PPP2R2B: variants seen among roughly 807,000 people sequenced by gnomAD.
PPP2R2B encodes the protein serine/threonine-protein phosphatase 2A 55 kDa regulatory subunit B beta isoform.
In PPP2R2B, 5 loss-of-function variants were observed where a neutral mutation model predicts 46.0. The ratio of observed to expected loss-of-function variants is 0.11; its 90% confidence interval spans 0.06 to 0.23. The LOEUF (loss-of-function observed/expected upper bound fraction) is 0.23, where lower values mean the gene tolerates loss of function less well. Among genes scored for constraint, PPP2R2B ranks in the 10% least tolerant of loss-of-function variants. PPP2R2B has a pLI of 1.00. For synonymous variants in PPP2R2B, 215 were observed against 206.7 expected (o/e 1.04, Z -0.34); for missense variants, 367 against 575.0 (o/e 0.64, Z 3.70).
intron 1 of PPP2R2B, among the ~76,000 whole-genome samples, chr5:146,968,745 T>A (rs2151846828): frequency 6.6e-6 from 1 of 152,336 alleles, no homozygotes; most frequent in South Asian, 2.1e-4. Flanking sequence ...CATTTGCCAA[T>A]CTTCATGTGC....
rs1231970952 is a variant in PPP2R2B, at chr5:146,844,376, A to AT, written c.70+33625_70+33626insA. 1.6e-4 allele frequency among the ~76,000 whole-genome samples: 23 copies of AT among 141,446 alleles called. No individual in the cohort carries two copies. The East Asian group carries it at 3.6e-3, about 22-fold the overall frequency. 92.8% of individuals were successfully genotyped at this position (141,446 alleles called of 152,430 possible). A position where few individuals can be genotyped will look rare whatever the true frequency, so the allele number is the denominator to read the frequency against. Reference sequence around the variant, plus strand: ...AATAAAAAAAAAAAAACATTAAAAAAAAATATATACTGAAACATCCAAAAT... The same window carrying AT: ...AATAAAAAAAAAAAAACATTAAAAAATAAATATATACTGAAACATCCAAAAT... On this transcript the variant is annotated intron_variant, in intron 2 of 9. Transcript: ENST00000394411.
chr5:146,842,449 A>G (rs1759710657), intron 2 of PPP2R2B, among the ~76,000 whole-genome samples: 1 of 151,996 alleles, frequency 6.6e-6, no homozygotes, highest in Admixed American at 6.5e-5. Context: ...AGGAAAAAAA[A>G]AAGACATACT....
chr5:146,982,037 T>G (rs1753201513), intron 1 of PPP2R2B, among the ~76,000 whole-genome samples: 1 of 152,198 alleles, frequency 6.6e-6, no homozygotes, highest in African/African-American at 2.4e-5. Context: ...AACTAAATTC[T>G]CCCCAAAGTA....
At chr5:146,641,946 T>C (rs1038547048) in intron 6 of PPP2R2B, among the ~76,000 whole-genome samples, 1 of 152,214 alleles carries the variant, frequency 6.6e-6, no homozygotes, top group African/African-American at 2.4e-5. Context: ...ATTGAATTCA[T>C]GGCTAATATA....
chr5:147,044,093 G>T (rs1271969391), intron 1 of PPP2R2B, among the ~76,000 whole-genome samples: 1 of 152,048 alleles, frequency 6.6e-6, no homozygotes, highest in Non-Finnish European at 1.5e-5. Flanking sequence ...CCACCTAAAT[G>T]CTTATTACCA....
At chr5:146,888,222 C>T (rs1166709973) in intron 1 of PPP2R2B, among the ~76,000 whole-genome samples, 7 of 152,084 alleles carry the variant, frequency 4.6e-5, no homozygotes, top group African/African-American at 1.4e-4. Context: ...GAGCATAAAC[C>T]TCTCCCCAGA....
chr5:147,015,900 A>T (rs1260704905), intron 1 of PPP2R2B, among the ~76,000 whole-genome samples: 1 of 151,390 alleles, frequency 6.6e-6, no homozygotes, highest in Non-Finnish European at 1.5e-5. Context: ...CATCACCATC[A>T]TCTCTTCCTT....
At chr5:147,038,253 A>G (rs533579787) in intron 1 of PPP2R2B, among the ~76,000 whole-genome samples, 1 of 152,332 alleles carries the variant, frequency 6.6e-6, no homozygotes, top group South Asian at 2.1e-4. Flanking sequence ...TTACATTCTT[A>G]TAAGTTAAGC....
At chr5:146,750,090 C>A (rs985337580) in intron 2 of PPP2R2B, among the ~76,000 whole-genome samples, 6 of 149,182 alleles carry the variant, frequency 4.0e-5, no homozygotes, top group African/African-American at 1.2e-4. Context: ...AACAAACAAA[C>A]AAACTGAGTT....
At chr5:146,613,707 C>T (rs1772852167) in intron 7 of PPP2R2B, among the ~76,000 whole-genome samples, 1 of 132,174 alleles carries the variant, frequency 7.6e-6, no homozygotes. Context: ...ACACCAACAA[C>T]AGACAAACAG....
At chr5:147,079,088 G>T (rs1012026203) in intron 2 of PPP2R2B, among the ~76,000 whole-genome samples, 1 of 151,766 alleles carries the variant, frequency 6.6e-6, no homozygotes, top group Non-Finnish European at 1.5e-5. Flanking sequence ...ACATAAAATG[G>T]GATTGATAAT....
At chr5:146,952,879 T>C (rs147027732) in intron 1 of PPP2R2B, among the ~76,000 whole-genome samples, 4 of 152,230 alleles carry the variant, frequency 2.6e-5, no homozygotes, top group African/African-American at 9.6e-5. Flanking sequence ...GGTTATCCAC[T>C]TCAGACAAAA....
chr5:146,850,051 A>G (rs1172826552), intron 2 of PPP2R2B, among the ~76,000 whole-genome samples: 2 of 152,178 alleles, frequency 1.3e-5, no homozygotes. Flanking sequence ...AGCTGGAAGT[A>G]TAACTGGGCT....
At chr5:146,813,856 G>T (rs1056464319) in intron 2 of PPP2R2B, among the ~76,000 whole-genome samples, 1 of 152,106 alleles carries the variant, frequency 6.6e-6, no homozygotes, top group African/African-American at 2.4e-5. Flanking sequence ...GAATAAATGG[G>T]ACAGAAACGG....
rs538830144 is a variant in PPP2R2B, at chr5:146,653,220, C to T, written c.448-2496G>A. Among the ~76,000 whole-genome samples, 8 of 152,220 alleles carry T rather than the reference C, an allele frequency of 5.3e-5. No individual in the cohort carries two copies. The South Asian group carries it at 8.3e-4, about 16-fold the overall frequency. ...GACTGGAAAGTGAATGTTCTTTCCACTGTACCACATCACATTGAAATATCA... is the reference window on the plus strand; with the variant it reads ...GACTGGAAAGTGAATGTTCTTTCCATTGTACCACATCACATTGAAATATCA... On this transcript the variant is annotated intron_variant, in intron 5 of 9. Coordinates refer to ENST00000394411, the MANE Select transcript of PPP2R2B (RefSeq NM_181675.4).
At chr5:146,961,428 T>A (rs1374066916) in intron 1 of PPP2R2B, among the ~76,000 whole-genome samples, 1 of 152,174 alleles carries the variant, frequency 6.6e-6, no homozygotes, top group Admixed American at 6.5e-5. Context: ...ACCAAAAAAG[T>A]GTCTATTTTG....
chr5:146,584,530 A>G lies in PPP2R2B; in HGVS notation c.*5417T>C, dbSNP rs1358347201. 6.6e-6 allele frequency: 1 copy of G among 152,214 alleles called. No individual in the cohort carries two copies. The highest frequency in any genetic ancestry group is 2.4e-5 in the African/African-American group (1 of 41,450). 9.4% of individuals were successfully genotyped at this position (152,214 alleles called of 1,614,324 possible). A position where few individuals can be genotyped will look rare whatever the true frequency, so the allele number is the denominator to read the frequency against. ...ATAGGATCTGGAACAGGATAGATCT[A>G]GATAAAACTTCCTGCTACGTCATCT... On this transcript the variant is annotated 3_prime_UTR_variant, in exon 10 of 10. Transcript: ENST00000394411.
chr5:146,767,948 T>A lies in PPP2R2B; in HGVS notation c.71-66806A>T, dbSNP rs576561081. On this transcript the variant is annotated intron_variant, in intron 2 of 9. Transcript: ENST00000394411. Reference sequence around the variant, plus strand: ...CTGATCTTTTGACTGTCTCTATAGCTTTTTCCAGAGCCATATATTTTTTAA... The same window carrying A: ...CTGATCTTTTGACTGTCTCTATAGCATTTTCCAGAGCCATATATTTTTTAA... Among the ~76,000 whole-genome samples, 9 of 152,314 alleles carry A rather than the reference T, an allele frequency of 5.9e-5. No individual in the cohort carries two copies. In the East Asian group the frequency reaches 1.7e-3, roughly 29 times the overall value.
intron 1 of PPP2R2B, chr5:147,054,474 T>G: frequency 3.4e-6 from 1 of 290,704 alleles, no homozygotes; most frequent in Non-Finnish European, 7.0e-6. Flanking sequence ...TAAAGGGAAA[T>G]GTCCAACTGT....
Sources: gnomAD v4.1 joint callset for allele counts (sites outside exome capture counted in the v4.1 genomes callset) on GRCh38, gnomAD v4.1.1 for gene constraint, MANE v1.5 for transcripts, NCBI Gene and HGNC (gene_info 2026-07-23, HGNC 2026-07-21) for gene names.